CFTR: variants seen among roughly 807,000 people sequenced by gnomAD.
The protein encoded by CFTR is cystic fibrosis transmembrane conductance regulator.
CFTR carries 181 observed loss-of-function variants against 171.6 expected under a neutral mutation model. The ratio of observed to expected loss-of-function variants is 1.05; its 90% CI spans 0.93 to 1.19. CFTR has a LOEUF of 1.19. CFTR is among the 50% of genes most tolerant of loss of function. CFTR has a pLI of 0.00. For missense variants in CFTR, 1,968 were observed against 1,734.7 expected, an observed-to-expected ratio of 1.13 and a Z score of -2.39; for synonymous variants, 583 against 608.0, an observed-to-expected ratio of 0.96 and a Z score of 0.60.
chr7:117,637,794 T>C (rs567527132), intron 22 of CFTR, among the ~76,000 whole-genome samples: 12 of 152,104 alleles, frequency 7.9e-5, no homozygotes, highest in Admixed American at 4.6e-4. Flanking sequence ...GGAGAACTGC[T>C]TGAACCCAGT....
intron 23 of CFTR, among the ~76,000 whole-genome samples, chr7:117,645,500 G>A (rs1419221825): frequency 6.6e-6 from 1 of 152,202 alleles, no homozygotes; most frequent in Non-Finnish European, 1.5e-5. Flanking sequence ...TGTGATGTGG[G>A]TAATTATGAA....
intron 1 of CFTR, among the ~76,000 whole-genome samples, chr7:117,490,682 T>A (rs2116617913): frequency 6.6e-6 from 1 of 152,210 alleles, no homozygotes; most frequent in East Asian, 1.9e-4. Context: ...TTCTATGCAT[T>A]AAGTGATAGC....
chr7:117,586,710 T>C (rs1791939095), intron 11 of CFTR, among the ~76,000 whole-genome samples: 1 of 151,404 alleles, frequency 6.6e-6, no homozygotes, highest in African/African-American at 2.4e-5. Context: ...GAAGTTTTAG[T>C]AGAGGGGAGG....
intron 22 of CFTR, among the ~76,000 whole-genome samples, chr7:117,628,756 C>T (rs1244927599): frequency 6.6e-6 from 1 of 151,944 alleles, no homozygotes; most frequent in Non-Finnish European, 1.5e-5. Context: ...TCTGTGAAAA[C>T]ATATATATAG....
chr7:117,642,553 CTT>C lies in CFTR; in HGVS notation c.3835_3836del (p.Leu1279AlafsTer22), dbSNP rs1351410554. The C allele has an allele frequency of 6.2e-7, 1 of 1,613,476 alleles. No homozygotes were observed. The highest frequency in any genetic ancestry group is 8.5e-7 in the Non-Finnish European group (1 of 1,179,662). On this transcript the variant is annotated frameshift_variant, in exon 23 of 27. Coordinates refer to ENST00000003084, the MANE Select transcript of CFTR (RefSeq NM_000492.4). LOFTEE classifies it high-confidence loss of function. ...GATGGTGTGTCTTGGGATTCAATAA[CTT>C]TGCAACAGTGGAGGAAAGCCTTTGG...
chr7:117,578,266 A>G (rs1413026590), intron 11 of CFTR, among the ~76,000 whole-genome samples: 3 of 151,976 alleles, frequency 2.0e-5, no homozygotes, highest in Non-Finnish European at 4.4e-5. Context: ...AGCTGACTCA[A>G]CATGAAAACT....
At chr7:117,601,706 T>C (rs1792227978) in intron 15 of CFTR, among the ~76,000 whole-genome samples, 1 of 152,220 alleles carries the variant, frequency 6.6e-6, no homozygotes, top group Non-Finnish European at 1.5e-5. Flanking sequence ...ATCATTTGGC[T>C]AATTGTATAA....
rs552016539 is a variant in CFTR at position 117,620,834 on chromosome 7, C to T, written c.3468+6121C>T. ...TATAAAAACACAGAGTAGCCAGGTG[C>T]GGTGGCTCATGCCTGTAATCCCAGC... On this transcript the variant is annotated intron_variant, in intron 21 of 26. Transcript: ENST00000003084. Among the ~76,000 whole-genome samples, 525 of 152,198 alleles carry T rather than the reference C, an allele frequency of 3.4e-3. 41 individuals carry two copies. In the South Asian group the frequency reaches 0.1, roughly 30 times the overall value.
At chr7:117,611,438 G>A (rs113489879) in intron 19 of CFTR, 143 bp from the exon 20 acceptor site, 12 of 658,252 alleles carry the variant, frequency 1.8e-5, no homozygotes, top group African/African-American at 9.0e-5. Flanking sequence ...TCAAAGAATG[G>A]CACCAGTGTG....
chr7:117,610,520 T>A lies in CFTR; in HGVS notation c.2990T>A (p.Leu997Ter). Reference protein sequence around the residue: ...LPLTIFDFIQLLLIVIGAIAV... With the variant: ...LPLTIFDFIQ ...AACATGTTTTCTTTGATCTTACAGT[T>A]GTTATTAATTGTGATTGGAGCTATA... Residue 997 changes from leucine (L) to a stop codon, truncating the protein, a stop_gained and splice_region_variant, in exon 19 of 27, where the codon TTG (leucine) becomes TAG (stop). Coordinates refer to ENST00000003084, the MANE Select transcript of CFTR (RefSeq NM_000492.4). LOFTEE classifies it high-confidence loss of function. The A allele has an allele frequency of 6.2e-7, 1 of 1,612,958 alleles. No individual in the cohort carries two copies. Among genetic ancestry groups the A allele is most frequent in the Non-Finnish European group, 8.5e-7 (1 of 1,179,176 alleles).
chr7:117,492,321 CA>C (rs923873411), intron 1 of CFTR, among the ~76,000 whole-genome samples: 1 of 151,704 alleles, frequency 6.6e-6, no homozygotes, highest in African/African-American at 2.4e-5. Flanking sequence ...ATTTGCATTG[CA>C]TTTACTATAG....
chr7:117,564,985 T>A (rs1791577528), intron 11 of CFTR, among the ~76,000 whole-genome samples: 1 of 152,240 alleles, frequency 6.6e-6, no homozygotes, highest in Non-Finnish European at 1.5e-5. Flanking sequence ...AGGTTCAGAT[T>A]CTTCACCTTC....
At chr7:117,637,222 G>GTT (rs35433853) in intron 22 of CFTR, among the ~76,000 whole-genome samples, 11,567 of 143,178 alleles carry the variant, frequency 0.081, 1,380 homozygotes, top group African/African-American at 0.26. Context: ...TTCAAATGGT[G>GTT]TTTTTTTTTT....
At chr7:117,495,266 T>G (rs1211267305) in intron 1 of CFTR, among the ~76,000 whole-genome samples, 2 of 152,128 alleles carry the variant, frequency 1.3e-5, no homozygotes, top group African/African-American at 4.8e-5. Flanking sequence ...GTGGCTTCAT[T>G]CCCAGATAGA....
Position 117,652,817 on chromosome 7 carries a change from C to A in CFTR, c.3874-25C>A, listed in dbSNP as rs556283531. The A allele has an allele frequency of 1.3e-5, 15 of 1,128,626 alleles. No homozygotes were observed. The East Asian group carries it at 3.1e-4, about 23-fold the overall frequency. 69.9% of individuals were successfully genotyped at this position (1,128,626 alleles called of 1,614,324 possible). A position where few individuals can be genotyped will look rare whatever the true frequency, so the allele number is the denominator to read the frequency against. On this transcript the variant is annotated intron_variant, in intron 23 of 26. Coordinates refer to ENST00000003084, the MANE Select transcript of CFTR (RefSeq NM_000492.4). ...AAGTTATTTAAGTTATTCATACTTT[C>A]TTCTTCTTTTCTTTTTTGCTATAGA...
chr7:117,509,146 A>G lies in CFTR; in HGVS notation c.273+4A>G, dbSNP rs387906374. ...TGGAATCTTTTTATATTTAGGGGTA[A>G]GGATCTCATTTGTACATTCATTATG... On this transcript the variant is annotated splice_donor_region_variant and intron_variant, in intron 3 of 26. Coordinates refer to ENST00000003084, the MANE Select transcript of CFTR (RefSeq NM_000492.4). 10 of 1,470,952 alleles carry G rather than the reference A, an allele frequency of 6.8e-6. No individual in the cohort carries two copies. The African/African-American group carries it at 1.2e-4, about 18-fold the overall frequency. The allele number at this position is 1,470,952 out of a possible 1,614,324, so 91.1% of individuals were successfully genotyped here.
intron 1 of CFTR, among the ~76,000 whole-genome samples, chr7:117,499,462 T>TGTGTGTGTGTGTGTGTGTG (rs1554375131): frequency 2.0e-5 from 3 of 149,274 alleles, no homozygotes; most frequent in African/African-American, 7.4e-5. Context: ...TGTGTGTGTG[T>TGTGTGTGTGTGTGTGTGTG]TTAAAAAATC....
Position 117,569,375 on chromosome 7 carries a change from T to G in CFTR, c.1584+9720T>G, listed in dbSNP as rs554685949. On this transcript the variant is annotated intron_variant, in intron 11 of 26. Transcript: ENST00000003084. The stretch of plus-strand genomic sequence containing the variant: ...TGGTATCCGCTTTGGAGAGGCCAAG[T>G]AAGATTCCTAAGTACCCATTGGATC... Among the ~76,000 whole-genome samples, 5 of 152,298 alleles carry G rather than the reference T, an allele frequency of 3.3e-5. No homozygotes were observed. The East Asian group carries it at 9.7e-4, about 29-fold the overall frequency.
At chr7:117,547,351 C>T (rs1256275636) in intron 9 of CFTR, among the ~76,000 whole-genome samples, 1 of 151,858 alleles carries the variant, frequency 6.6e-6, no homozygotes, top group Non-Finnish European at 1.5e-5. Context: ...TCTTCAAAAC[C>T]CTGAAGCTGC....
Sources: allele counts gnomAD v4.1 joint callset (sites outside exome capture counted in the v4.1 genomes callset), GRCh38; gene constraint gnomAD v4.1.1; transcripts MANE v1.5; gene names NCBI Gene and HGNC (gene_info 2026-07-23, HGNC 2026-07-21).